Variants in ARMH4 observed in about 807,000 individuals in gnomAD.
ARMH4 encodes armadillo like helical domain containing 4, also known as armadillo-like helical domain-containing protein 4.
Under a neutral mutation model 61.9 loss-of-function variants are expected in ARMH4, and 49 were observed. That is an observed-to-expected ratio of 0.79 (90% confidence interval 0.63 to 1.00). The LOEUF is 1.00. Among genes scored for constraint, ARMH4 ranks in the 50% least tolerant of loss-of-function variants. The pLI is 0.00. For synonymous variants in ARMH4, 368 were observed against 341.5 expected (o/e 1.08, Z -0.85); for missense variants, 934 against 930.0 (o/e 1.00, Z -0.06).
In ARMH4 at chr14:58,027,891, G is replaced by C. The variant is rs1424593684; in HGVS notation, c.2090-15741C>G. Among the ~76,000 whole-genome samples the C allele has an allele frequency of 2.6e-5, 4 of 152,314 alleles. No individual in the cohort carries two copies. In the East Asian group the frequency reaches 5.8e-4, roughly 22 times the overall value. ...ATTACAGTTAATATGCTCAAAGGCA[G>C]AACTTTTCTGCCATCTAAATAGATT... On this transcript the variant is annotated intron_variant, in intron 5 of 7. Transcript: ENST00000267485.
intron 4 of ARMH4, 184 bp downstream of exon 4, chr14:58,131,328 A>T (rs1261078973): frequency 2.0e-6 from 1 of 501,742 alleles, no homozygotes; most frequent in African/African-American, 1.9e-5. Context: ...AAATGTAAAA[A>T]CCATTCTTAG....
intron 5 of ARMH4, among the ~76,000 whole-genome samples, chr14:58,068,236 A>C (rs1884767831): frequency 6.6e-6 from 1 of 150,914 alleles, no homozygotes; most frequent in Non-Finnish European, 1.5e-5. Context: ...TCTACCCCCC[A>C]ACCCCCCTCC....
chr14:58,060,526 A>T (rs1395049411), intron 5 of ARMH4, among the ~76,000 whole-genome samples: 1 of 152,208 alleles, frequency 6.6e-6, no homozygotes, highest in African/African-American at 2.4e-5. Context: ...ATCACTAAAC[A>T]CTGTGGCATT....
chr14:58,141,766 A>T (rs1293631361), intron 1 of ARMH4: 1 of 179,328 alleles, frequency 5.6e-6, no homozygotes, highest in Admixed American at 5.9e-5. Flanking sequence ...AGAAAAAAAG[A>T]AAAGAAAATA....
intron 5 of ARMH4, among the ~76,000 whole-genome samples, chr14:58,094,495 T>C (rs1885682819): frequency 6.6e-6 from 1 of 152,132 alleles, no homozygotes; most frequent in Non-Finnish European, 1.5e-5. Flanking sequence ...AACAGGTGAC[T>C]AGATGAGCAA....
At chr14:58,039,638 A>G (rs1446955181) in intron 5 of ARMH4, among the ~76,000 whole-genome samples, 2 of 152,198 alleles carry the variant, frequency 1.3e-5, no homozygotes, top group Non-Finnish European at 2.9e-5. Context: ...GCCTGGAGTA[A>G]AAGAACAGGG....
chr14:58,067,561 C>T (rs1884743936), intron 5 of ARMH4, among the ~76,000 whole-genome samples: 1 of 152,210 alleles, frequency 6.6e-6, no homozygotes, highest in African/African-American at 2.4e-5. Flanking sequence ...ACATTTGCAT[C>T]ATTCTGTGGC....
At chr14:58,048,599 T>C (rs984143528) in intron 5 of ARMH4, among the ~76,000 whole-genome samples, 1 of 152,156 alleles carries the variant, frequency 6.6e-6, no homozygotes, top group East Asian at 1.9e-4. Flanking sequence ...CTTGGTACTT[T>C]TTCTAATAGA....
At chr14:58,005,291 T>G in intron 6 of ARMH4, 109 bp from the exon 7 acceptor site, 1 of 1,386,976 alleles carries the variant, frequency 7.2e-7, no homozygotes. Context: ...AATTCTCCTG[T>G]CTGCTTTGTT....
rs146026379 is a variant in ARMH4 at position 58,053,218 on chromosome 14, C to T, written c.2090-41068G>A. 3.1e-3 allele frequency among the ~76,000 whole-genome samples: 475 copies of T among 152,354 alleles called. 4 individuals carry two copies. Among genetic ancestry groups the T allele is most frequent in the Non-Finnish European group, 5.3e-3 (363 of 68,034 alleles). On this transcript the variant is annotated intron_variant, in intron 5 of 7. Coordinates refer to ENST00000267485, the MANE Select transcript of ARMH4 (RefSeq NM_001001872.4). ...ATAGCAGTCCTTACAAGACATCCTGCAGCCGGAGTGATGCCTTTAAAATTC... is the reference window on the plus strand; with the variant it reads ...ATAGCAGTCCTTACAAGACATCCTGTAGCCGGAGTGATGCCTTTAAAATTC...
chr14:58,030,454 T>C (rs1159853447), intron 5 of ARMH4, among the ~76,000 whole-genome samples: 2 of 152,242 alleles, frequency 1.3e-5, no homozygotes, highest in African/African-American at 4.8e-5. Context: ...CCCAATTTTT[T>C]TATCGTGGTA....
At chr14:58,063,578 C>T (rs1884600021) in intron 5 of ARMH4, among the ~76,000 whole-genome samples, 1 of 148,632 alleles carries the variant, frequency 6.7e-6, no homozygotes, top group Non-Finnish European at 1.5e-5. Context: ...TATCTGCATC[C>T]CAAGAAAGCT....
chr14:58,063,959 G>A (rs943463519), intron 5 of ARMH4, among the ~76,000 whole-genome samples: 19 of 152,214 alleles, frequency 1.2e-4, no homozygotes, highest in African/African-American at 4.6e-4. Flanking sequence ...GTGAAAGGAA[G>A]TAGCTTGGAA....
chr14:58,073,536 A>G (rs544490326), intron 5 of ARMH4, among the ~76,000 whole-genome samples: 2 of 152,230 alleles, frequency 1.3e-5, no homozygotes, highest in Admixed American at 6.5e-5. Context: ...CAAGCAATCA[A>G]CTGTTACTTC....
chr14:58,053,117 GTCTATTGT>G (rs900214831), intron 5 of ARMH4, among the ~76,000 whole-genome samples: 4 of 152,098 alleles, frequency 2.6e-5, no homozygotes, highest in Non-Finnish European at 5.9e-5. Flanking sequence ...CTGTTGCCCA[GTCTATTGT>G]GACAAGCTCC....
intron 5 of ARMH4, among the ~76,000 whole-genome samples, chr14:58,055,105 G>A (rs1387193193): frequency 3.3e-5 from 5 of 152,066 alleles, no homozygotes; most frequent in Admixed American, 2.6e-4. Flanking sequence ...CACTCTAATA[G>A]CTGCAGTGAC....
intron 5 of ARMH4, among the ~76,000 whole-genome samples, chr14:58,039,032 G>A (rs1883588385): frequency 6.6e-6 from 1 of 152,304 alleles, no homozygotes; most frequent in South Asian, 2.1e-4. Flanking sequence ...TTTGTGCAGT[G>A]TCCACGCTTC....
At chr14:58,032,717 G>A (rs566566877) in intron 5 of ARMH4, among the ~76,000 whole-genome samples, 35 of 151,374 alleles carry the variant, frequency 2.3e-4, no homozygotes, top group African/African-American at 6.5e-4. Context: ...AGCCGAAGCA[G>A]GGTGAGGCAT....
At chr14:58,080,274 C>T (rs892081023) in intron 5 of ARMH4, among the ~76,000 whole-genome samples, 4 of 151,986 alleles carry the variant, frequency 2.6e-5, no homozygotes, top group African/African-American at 7.2e-5. Context: ...GGACTACAGG[C>T]ATGCGCCACC....
Sources: allele counts gnomAD v4.1 joint callset (sites outside exome capture counted in the v4.1 genomes callset), GRCh38; gene constraint gnomAD v4.1.1; transcripts MANE v1.5; gene names NCBI Gene and HGNC (gene_info 2026-07-23, HGNC 2026-07-21).